The following GABARAPL1 variants were observed in gnomAD, a reference collection of about 807,000 sequenced individuals.
GABARAPL1 encodes the protein gamma-aminobutyric acid receptor-associated protein-like 1.
GABARAPL1 carries 4 observed loss-of-function variants against 14.5 expected under a neutral mutation model. The ratio of observed to expected loss-of-function variants is 0.28; its 90% CI spans 0.14 to 0.63. The LOEUF is 0.63. Ranked by LOEUF, GABARAPL1 falls within the 30% of genes least tolerant of loss-of-function variation. GABARAPL1 has a pLI of 0.84. For synonymous variants in GABARAPL1, 47 were observed against 50.6 expected (o/e 0.93, Z 0.30); for missense variants, 82 against 139.2 (o/e 0.59, Z 2.07).
At position 10,220,554 on chromosome 12, in the gene GABARAPL1, A is replaced by T; in HGVS notation, c.284A>T (p.Tyr95Phe). 1 of 1,613,974 alleles carries T rather than the reference A, an allele frequency of 6.2e-7. No homozygotes were observed. The highest frequency in any genetic ancestry group is 8.5e-7 in the Non-Finnish European group (1 of 1,179,918). The change falls in exon 3 of 4, where the codon TAT becomes TTT. Residue 95 changes from tyrosine to phenylalanine, a missense_variant. By Grantham distance (22) the Tyr-to-Phe change is conservative. Transcript: ENST00000266458. Reference sequence around the variant, plus strand: ...ACCAGTGCTACCATGGGCCAACTGTATGAGGTAATGGTTCTGGTTGCACAA... The same window carrying T: ...ACCAGTGCTACCATGGGCCAACTGTTTGAGGTAATGGTTCTGGTTGCACAA... ...PPTSATMGQL[Y>F]EDNHEEDYFL...
At chr12:10,214,049 C>T (rs143700019) in intron 1 of GABARAPL1, 80 of 340,034 alleles carry the variant, frequency 2.4e-4, no homozygotes, top group Middle Eastern at 1.8e-3. Context: ...CCCCCGCCCA[C>T]TTGCCTGGTG....
At chr12:10,218,870 G>A (rs907493043) in intron 2 of GABARAPL1, among the ~76,000 whole-genome samples, 31 of 151,374 alleles carry the variant, frequency 2.0e-4, no homozygotes, top group Non-Finnish European at 3.8e-4. Context: ...CACCATACCC[G>A]GCTACTTTTT....
rs752952084 is a variant in GABARAPL1 at position 10,220,509 on chromosome 12, T to C, written c.239T>C (p.Val80Ala). 1 of 1,613,842 alleles carries C rather than the reference T, an allele frequency of 6.2e-7. No homozygotes were observed. The highest frequency in any genetic ancestry group is 1.3e-5 in the African/African-American group (1 of 74,926). Residue 80 changes from valine (V) to alanine (A), a missense_variant, in exon 3 of 4, where the codon GTC becomes GCC. By Grantham distance (64) the Val-to-Ala change is moderately conservative. Around this residue, in one of 3 missense-constraint regions of GABARAPL1, gnomAD observed 65 missense variants for 103.7 expected, o/e 0.63. Transcript: ENST00000266458. ...CCTGAGGACGCCTTATTCTTCTTTG[T>C]CAACAACACCATCCCTCCCACCAGT... Reference protein sequence around the residue: ...LRPEDALFFFVNNTIPPTSAT... With the variant: ...LRPEDALFFFANNTIPPTSAT...
chr12:10,220,398 T>A, intron 2 of GABARAPL1, 42 bp from the exon 3 acceptor site: 5 of 1,610,846 alleles, frequency 3.1e-6, no homozygotes, highest in Non-Finnish European at 4.2e-6. Flanking sequence ...ATTCCTTGTT[T>A]TCTTACTTTC....
chr12:10,220,425 T>A lies in GABARAPL1; in HGVS notation c.170-15T>A, dbSNP rs747548398. Reference sequence around the variant, plus strand: ...CTTACTTTCTTTTCTGCCCTTTTCTTCTTCCATCATCCAGTTGGCCAGTTC... The same window carrying A: ...CTTACTTTCTTTTCTGCCCTTTTCTACTTCCATCATCCAGTTGGCCAGTTC... On this transcript the variant is annotated splice_polypyrimidine_tract_variant and intron_variant, in intron 2 of 3. Transcript: ENST00000266458. 1 of 1,611,942 alleles carries A rather than the reference T, an allele frequency of 6.2e-7. No homozygotes were observed.
intron 1 of GABARAPL1, chr12:10,213,518 T>C: frequency 2.8e-6 from 1 of 359,170 alleles, no homozygotes; most frequent in Non-Finnish European, 5.4e-6. Context: ...AGACCGTGTG[T>C]GGGTTGCGGT....
At chr12:10,215,130 T>C (rs563642162) in intron 1 of GABARAPL1, among the ~76,000 whole-genome samples, 30 of 152,308 alleles carry the variant, frequency 2.0e-4, no homozygotes, top group African/African-American at 7.2e-4. Flanking sequence ...GGGAATTCAT[T>C]GCATCCTTGG....
chr12:10,220,562 A>G lies in GABARAPL1; in HGVS notation c.288+4A>G. On this transcript the variant is annotated splice_donor_region_variant and intron_variant, in intron 3 of 3. Transcript: ENST00000266458. ...TACCATGGGCCAACTGTATGAGGTA[A>G]TGGTTCTGGTTGCACAATACTGGAT... The G allele has an allele frequency of 1.2e-6, 2 of 1,614,050 alleles. No individual in the cohort carries two copies. Among genetic ancestry groups the G allele is most frequent in the Non-Finnish European group, 1.7e-6 (2 of 1,179,960 alleles).
chr12:10,221,574 C>G (rs1434374400), intron 3 of GABARAPL1: 2 of 477,636 alleles, frequency 4.2e-6, no homozygotes, highest in Non-Finnish European at 5.5e-6. Flanking sequence ...ATCCCTGATA[C>G]CTATGTGTAA....
At chr12:10,214,850 G>A (rs1474458096) in intron 1 of GABARAPL1, 1 of 152,142 alleles carries the variant, frequency 6.6e-6, no homozygotes, top group Non-Finnish European at 1.5e-5. Context: ...TTAATGACGT[G>A]CTGTGGACTT....
At position 10,212,965 on chromosome 12, in the gene GABARAPL1, C is replaced by T; in HGVS notation, c.-165C>T. 3.4e-6 allele frequency: 2 copies of T among 596,858 alleles called. No individual in the cohort carries two copies. The highest frequency in any genetic ancestry group is 4.0e-5 in the South Asian group (2 of 50,554). The allele number at this position is 596,858 out of a possible 1,614,324, so 37.0% of individuals were successfully genotyped here. ...TCCAGGCAGGCTCACCCGAGATCCCCGCCCCGAACCCCCCCTGCACACTCG... is the reference window on the plus strand; with the variant it reads ...TCCAGGCAGGCTCACCCGAGATCCCTGCCCCGAACCCCCCCTGCACACTCG... On this transcript the variant is annotated 5_prime_UTR_variant, in exon 1 of 4. Transcript: ENST00000266458.
chr12:10,221,090 C>G (rs559895372), intron 3 of GABARAPL1: 50 of 985,158 alleles, frequency 5.1e-5, no homozygotes, highest in Non-Finnish European at 6.0e-5. Flanking sequence ...CTTAAGACAA[C>G]CACATTGATA....
chr12:10,220,854 T>G (rs748093166), intron 3 of GABARAPL1: 1 of 1,416,278 alleles, frequency 7.1e-7, no homozygotes, highest in Non-Finnish European at 9.2e-7. Flanking sequence ...TGATTCCTGA[T>G]AGCAAAAGTT....
At chr12:10,218,881 T>G (rs1263300656) in intron 2 of GABARAPL1, among the ~76,000 whole-genome samples, 1 of 151,542 alleles carries the variant, frequency 6.6e-6, no homozygotes, top group African/African-American at 2.4e-5. Flanking sequence ...GCTACTTTTT[T>G]TGGTATTTTT....
intron 1 of GABARAPL1, among the ~76,000 whole-genome samples, chr12:10,217,581 T>C (rs1170949728): frequency 1.3e-5 from 2 of 151,960 alleles, no homozygotes; most frequent in Non-Finnish European, 2.9e-5. Flanking sequence ...AAAATACAAA[T>C]ACTTAGCCAG....
intron 3 of GABARAPL1, 133 bp downstream of exon 3, chr12:10,220,691 T>C: frequency 6.5e-7 from 1 of 1,546,124 alleles, no homozygotes; most frequent in Non-Finnish European, 8.7e-7. Context: ...TCCTCTTACA[T>C]ATGGCAGTGT....
At chr12:10,213,909 G>A (rs1949073054) in intron 1 of GABARAPL1, 1 of 455,486 alleles carries the variant, frequency 2.2e-6, no homozygotes, top group Admixed American at 2.4e-5. Flanking sequence ...GTCGCGATAA[G>A]GCAGGACTGA....
chr12:10,216,783 G>A (rs1287741745), intron 1 of GABARAPL1, among the ~76,000 whole-genome samples: 1 of 151,772 alleles, frequency 6.6e-6, no homozygotes, highest in Non-Finnish European at 1.5e-5. Flanking sequence ...CAGATGATCC[G>A]CCCGCCTCGA....
At chr12:10,219,318 C>CAA (rs199678817) in intron 2 of GABARAPL1, among the ~76,000 whole-genome samples, 9 of 112,766 alleles carry the variant, frequency 8.0e-5, no homozygotes, top group African/African-American at 2.3e-4. Context: ...GACTCCGCCT[C>CAA]AAAAAAACAA....
Sources: gnomAD v4.1 joint callset for allele counts (sites outside exome capture counted in the v4.1 genomes callset) on GRCh38, gnomAD v4.1.1 for gene constraint, gnomAD v4.1.1 regional missense constraint, MANE v1.5 for transcripts, NCBI Gene and HGNC (gene_info 2026-07-23, HGNC 2026-07-21) for gene names.